Variants in RBFOX1 observed in about 807,000 individuals in gnomAD.
RBFOX1 encodes RNA binding protein fox-1 homolog 1.
A neutral mutation model predicts 57.7 loss-of-function variants in RBFOX1; 8 were observed. The observed-to-expected ratio is 0.14, with a 90% CI of 0.08 to 0.25. The LOEUF (loss-of-function observed/expected upper bound fraction) is 0.25, where lower values mean the gene tolerates loss of function less well. Among genes scored for constraint, RBFOX1 ranks in the 10% least tolerant of loss-of-function variants. The pLI is 1.00. For synonymous variants in RBFOX1, 326 were observed against 222.4 expected, an observed-to-expected ratio of 1.47 and a Z score of -4.15; for missense variants, 611 against 548.5, an observed-to-expected ratio of 1.11 and a Z score of -1.14.
intron 4 of RBFOX1, among the ~76,000 whole-genome samples, chr16:5,980,396 T>TCCCC (rs2060148601): frequency 6.6e-6 from 1 of 152,080 alleles, no homozygotes; most frequent in African/African-American, 2.4e-5. Flanking sequence ...AAAGTGCAGA[T>TCCCC]AGCGTCAGTG....
At chr16:7,533,042 G>T (rs1213710239) in intron 5 of RBFOX1, among the ~76,000 whole-genome samples, 1 of 152,176 alleles carries the variant, frequency 6.6e-6, no homozygotes, top group Non-Finnish European at 1.5e-5. Context: ...ACAAAACATG[G>T]CAGCTAATGT....
intron 1 of RBFOX1, among the ~76,000 whole-genome samples, chr16:6,163,965 G>A (rs1796437646): frequency 6.6e-6 from 1 of 152,092 alleles, no homozygotes; most frequent in South Asian, 2.1e-4. Context: ...ATAGTAAGGT[G>A]GTTATAATAG....
intron 2 of RBFOX1, among the ~76,000 whole-genome samples, chr16:5,565,657 TA>T (rs1284375014): frequency 6.6e-6 from 1 of 151,254 alleles, no homozygotes; most frequent in South Asian, 2.1e-4. Flanking sequence ...AATAAATAAA[TA>T]AATAAATAAA....
chr16:7,219,364 G>A (rs1360451615), intron 4 of RBFOX1, among the ~76,000 whole-genome samples: 1 of 152,194 alleles, frequency 6.6e-6, no homozygotes, highest in Non-Finnish European at 1.5e-5. Context: ...TCAGAAAGGA[G>A]TGTTGGGTAA....
intron 1 of RBFOX1, among the ~76,000 whole-genome samples, chr16:6,264,355 T>C (rs979230935): frequency 6.6e-6 from 1 of 152,172 alleles, no homozygotes; most frequent in African/African-American, 2.4e-5. Flanking sequence ...GGGTATGCAG[T>C]GGGCTCCAGA....
At chr16:6,316,177 A>T (rs1229994812) in intron 1 of RBFOX1, among the ~76,000 whole-genome samples, 1 of 149,988 alleles carries the variant, frequency 6.7e-6, no homozygotes, top group East Asian at 1.9e-4. Flanking sequence ...TCAGTATCCC[A>T]ACCCCCTTGG....
chr16:6,107,661 C>G (rs1027717091), intron 1 of RBFOX1, among the ~76,000 whole-genome samples: 1 of 134,510 alleles, frequency 7.4e-6, no homozygotes, highest in African/African-American at 2.7e-5. Flanking sequence ...GAAAGGATGA[C>G]TAGATGCATG....
intron 4 of RBFOX1, among the ~76,000 whole-genome samples, chr16:7,417,786 A>G (rs903775057): frequency 6.6e-6 from 1 of 152,120 alleles, no homozygotes; most frequent in Non-Finnish European, 1.5e-5. Flanking sequence ...CATGTTGGTC[A>G]CCCTCTGTGC....
At chr16:6,629,959 G>GTT (rs544517566) in intron 2 of RBFOX1, among the ~76,000 whole-genome samples, 183 of 134,422 alleles carry the variant, frequency 1.4e-3, no homozygotes, top group African/African-American at 2.8e-3. Context: ...ATTTCGGTAG[G>GTT]TTTTTTTTTT....
At chr16:7,403,324 C>G (rs1305962224) in intron 4 of RBFOX1, among the ~76,000 whole-genome samples, 1 of 152,086 alleles carries the variant, frequency 6.6e-6, no homozygotes, top group Non-Finnish European at 1.5e-5. Context: ...CATTAGACGT[C>G]TAGAATTCAG....
At chr16:5,791,117 G>C (rs12925876) in intron 3 of RBFOX1, among the ~76,000 whole-genome samples, 111,432 of 152,022 alleles carry the variant, frequency 0.73, 41,115 homozygotes, top group East Asian at 0.95. Flanking sequence ...ATCCGCCTGC[G>C]TTGGTCTCCT....
chr16:6,900,104 A>G (rs1016979926), intron 3 of RBFOX1, among the ~76,000 whole-genome samples: 3 of 152,096 alleles, frequency 2.0e-5, no homozygotes, highest in Non-Finnish European at 4.4e-5. Context: ...TGGCACATGA[A>G]ACAAAGGTTT....
At chr16:5,433,912 T>A (rs1350856607) in intron 1 of RBFOX1, among the ~76,000 whole-genome samples, 2 of 152,282 alleles carry the variant, frequency 1.3e-5, no homozygotes, top group East Asian at 3.9e-4. Context: ...AACAACCCTG[T>A]GCTTCCACTG....
chr16:6,994,042 C>T (rs549647532), intron 3 of RBFOX1, among the ~76,000 whole-genome samples: 8 of 152,096 alleles, frequency 5.3e-5, no homozygotes, highest in Non-Finnish European at 8.8e-5. Flanking sequence ...TCCACCTCCC[C>T]CTCTGGGAGT....
chr16:5,334,609 A>G (rs1919050), intron 1 of RBFOX1, among the ~76,000 whole-genome samples: 8,720 of 152,102 alleles, frequency 0.057, 855 homozygotes, highest in African/African-American at 0.2. Context: ...TTAAAAAGCT[A>G]TGGTATATTT....
chr16:7,624,669 CT>C (rs2059812722), intron 10 of RBFOX1, among the ~76,000 whole-genome samples: 2 of 152,220 alleles, frequency 1.3e-5, no homozygotes, highest in African/African-American at 4.8e-5. Flanking sequence ...ACTTGTGCTA[CT>C]CAGACATTGC....
At chr16:6,595,874 A>T (rs2097772140) in intron 2 of RBFOX1, among the ~76,000 whole-genome samples, 2 of 152,122 alleles carry the variant, frequency 1.3e-5, no homozygotes. Context: ...AAACCCTATT[A>T]AAAAAATACT....
At chr16:7,314,610 T>C (rs1426438572) in intron 4 of RBFOX1, among the ~76,000 whole-genome samples, 1 of 152,226 alleles carries the variant, frequency 6.6e-6, no homozygotes, top group Non-Finnish European at 1.5e-5. Context: ...CGGTCCTATT[T>C]GTTTCCCATT....
At chr16:6,661,123 C>T (rs997641469) in intron 3 of RBFOX1, among the ~76,000 whole-genome samples, 44 of 152,170 alleles carry the variant, frequency 2.9e-4, no homozygotes, top group African/African-American at 1.0e-3. Context: ...TTCAGTATTG[C>T]TGTTTTCTAA....
Sources: gnomAD v4.1 joint callset for allele counts (sites outside exome capture counted in the v4.1 genomes callset) on GRCh38, gnomAD v4.1.1 for gene constraint, MANE v1.5 for transcripts, NCBI Gene and HGNC (gene_info 2026-07-23, HGNC 2026-07-21) for gene names.